ENTHD1: variants seen among roughly 807,000 people sequenced by gnomAD.
ENTHD1 encodes ENTH domain containing 1, also known as ENTH domain-containing protein 1.
A neutral mutation model predicts 39.1 loss-of-function variants in ENTHD1; 23 were observed. That is an observed-to-expected ratio of 0.59 (90% confidence interval 0.42 to 0.83). The LOEUF (loss-of-function observed/expected upper bound fraction) is 0.83, where lower values mean the gene tolerates loss of function less well. Among genes scored for constraint, ENTHD1 ranks in the 40% least tolerant of loss-of-function variants. The probability of loss-of-function intolerance (pLI) is 0.00; values close to 1 mark genes in which losing one functional copy is unlikely to be tolerated. For synonymous variants in ENTHD1, 230 were observed against 258.2 expected, an observed-to-expected ratio of 0.89 and a Z score of 1.05; for missense variants, 624 against 705.4, an observed-to-expected ratio of 0.88 and a Z score of 1.31.
intron 5 of ENTHD1, among the ~76,000 whole-genome samples, chr22:39,776,138 C>T (rs2065363899): frequency 1.3e-5 from 2 of 152,170 alleles, no homozygotes; most frequent in Admixed American, 1.3e-4. Context: ...AGTGATCTAC[C>T]TGCCTCAGCC....
chr22:39,823,293 A>T (rs746443425), intron 4 of ENTHD1, among the ~76,000 whole-genome samples: 3 of 152,140 alleles, frequency 2.0e-5, no homozygotes, highest in Non-Finnish European at 2.9e-5. Context: ...GATTTTGGCT[A>T]TTACAAATAA....
chr22:39,786,636 T>C (rs912157798), intron 5 of ENTHD1, among the ~76,000 whole-genome samples: 4 of 151,950 alleles, frequency 2.6e-5, no homozygotes, highest in Non-Finnish European at 4.4e-5. Flanking sequence ...GTACAATAGA[T>C]CTCCAGGACA....
intron 6 of ENTHD1, among the ~76,000 whole-genome samples, chr22:39,759,292 T>C (rs2065210587): frequency 6.6e-6 from 1 of 152,178 alleles, no homozygotes; most frequent in Non-Finnish European, 1.5e-5. Context: ...TATGTGTGTA[T>C]CTATATGTCT....
chr22:39,883,855 CAA>C (rs137949), intron 2 of ENTHD1, among the ~76,000 whole-genome samples: 4 of 68,582 alleles, frequency 5.8e-5, no homozygotes, highest in Admixed American at 1.6e-4. Context: ...CTCTGTCCCA[CAA>C]AAAAAAAAAA....
chr22:39,802,718 C>T (rs773096605), intron 5 of ENTHD1, among the ~76,000 whole-genome samples: 11 of 152,304 alleles, frequency 7.2e-5, no homozygotes, highest in South Asian at 2.1e-4. Context: ...GAAGCTCTTC[C>T]GATGTCCCTC....
At chr22:39,779,297 C>T (rs547709578) in intron 5 of ENTHD1, among the ~76,000 whole-genome samples, 13 of 152,128 alleles carry the variant, frequency 8.5e-5, no homozygotes, top group African/African-American at 2.2e-4. Context: ...GCCAAGATCA[C>T]GCCACTGCAC....
At chr22:39,852,701 A>G (rs1287077636) in intron 3 of ENTHD1, among the ~76,000 whole-genome samples, 1 of 152,232 alleles carries the variant, frequency 6.6e-6, no homozygotes, top group Non-Finnish European at 1.5e-5. Flanking sequence ...ATTGTAACAC[A>G]ATGGTAAGAA....
At chr22:39,832,088 C>T (rs1036568384) in intron 4 of ENTHD1, among the ~76,000 whole-genome samples, 3 of 152,110 alleles carry the variant, frequency 2.0e-5, no homozygotes, top group East Asian at 1.9e-4. Context: ...GAGGCCAAGG[C>T]GGGAGGATCA....
At chr22:39,755,351 G>A (rs915705881) in intron 6 of ENTHD1, among the ~76,000 whole-genome samples, 1 of 152,096 alleles carries the variant, frequency 6.6e-6, no homozygotes, top group African/African-American at 2.4e-5. Flanking sequence ...GGCCGGGAGT[G>A]TTCTGGTCAG....
intron 6 of ENTHD1, among the ~76,000 whole-genome samples, chr22:39,763,418 G>A (rs1393247971): frequency 6.6e-6 from 1 of 152,144 alleles, no homozygotes; most frequent in Non-Finnish European, 1.5e-5. Context: ...CTGGAATACA[G>A]GCCCTTCAAG....
At chr22:39,784,258 A>G (rs1364813386) in intron 5 of ENTHD1, among the ~76,000 whole-genome samples, 1 of 152,134 alleles carries the variant, frequency 6.6e-6, no homozygotes, top group Non-Finnish European at 1.5e-5. Context: ...AGCGCTGGTG[A>G]GAATGTGGAG....
At chr22:39,892,955 T>C (rs2146791447) in intron 1 of ENTHD1, among the ~76,000 whole-genome samples, 1 of 152,356 alleles carries the variant, frequency 6.6e-6, no homozygotes, top group East Asian at 1.9e-4. Context: ...TTCATTAATT[T>C]ATTCAACTAA....
At chr22:39,853,055 T>C (rs1429857194) in intron 3 of ENTHD1, among the ~76,000 whole-genome samples, 1 of 152,192 alleles carries the variant, frequency 6.6e-6, no homozygotes, top group Non-Finnish European at 1.5e-5. Flanking sequence ...TTGTAGGAAG[T>C]AACAACATCA....
intron 3 of ENTHD1, among the ~76,000 whole-genome samples, chr22:39,845,533 T>A (rs1206204989): frequency 6.6e-6 from 1 of 152,018 alleles, no homozygotes; most frequent in Admixed American, 6.6e-5. Context: ...GAAAGGGAGA[T>A]GGCATGCATA....
At chr22:39,850,027 T>G (rs2066022358) in intron 3 of ENTHD1, among the ~76,000 whole-genome samples, 1 of 152,180 alleles carries the variant, frequency 6.6e-6, no homozygotes, top group Non-Finnish European at 1.5e-5. Context: ...AACTTCAAAT[T>G]TAATGGTATT....
intron 5 of ENTHD1, among the ~76,000 whole-genome samples, chr22:39,769,432 A>G (rs751741150): frequency 1.3e-5 from 2 of 152,212 alleles, no homozygotes; most frequent in Non-Finnish European, 2.9e-5. Context: ...GGGTTGCCTC[A>G]GAACTGTCCT....
chr22:39,820,172 C>T (rs2065770946), intron 5 of ENTHD1, among the ~76,000 whole-genome samples: 1 of 152,054 alleles, frequency 6.6e-6, no homozygotes, highest in South Asian at 2.1e-4. Flanking sequence ...TAAACCCATA[C>T]TAATAAACTA....
At chr22:39,862,546 CAA>C (rs553393294) in intron 2 of ENTHD1, among the ~76,000 whole-genome samples, 329 of 70,356 alleles carry the variant, frequency 4.7e-3, no homozygotes, top group Non-Finnish European at 6.8e-3. Context: ...GACTCTGTCT[CAA>C]AAAAAAAAAA....
chr22:39,889,422 A>G (rs2066408573), intron 1 of ENTHD1, among the ~76,000 whole-genome samples: 1 of 152,218 alleles, frequency 6.6e-6, no homozygotes, highest in Admixed American at 6.5e-5. Context: ...AGGGTCAGTC[A>G]GTTTGCAATT....
Sources: gnomAD v4.1 joint callset for allele counts (sites outside exome capture counted in the v4.1 genomes callset) on GRCh38, gnomAD v4.1.1 for gene constraint, MANE v1.5 for transcripts, NCBI Gene and HGNC (gene_info 2026-07-23, HGNC 2026-07-21) for gene names.